Variants in SMIM14 observed in about 807,000 individuals in gnomAD.
SMIM14 encodes the protein chromosome 4 open reading frame 34.
SMIM14 carries 5 observed loss-of-function variants against 12.6 expected under a neutral mutation model. The observed-to-expected ratio is 0.40, with a 90% confidence interval of 0.21 to 0.83. SMIM14 has a LOEUF of 0.83. SMIM14 is among the 40% of genes least tolerant of loss of function. The pLI, the probability that SMIM14 is intolerant of heterozygous loss-of-function variation, is 0.37. For missense variants in SMIM14, 86 were observed against 119.1 expected (o/e 0.72, Z 1.29); for synonymous variants, 30 against 40.1 (o/e 0.75, Z 0.95).
chr4:39,567,884 G>T (rs1712661751), intron 3 of SMIM14, among the ~76,000 whole-genome samples: 1 of 152,126 alleles, frequency 6.6e-6, no homozygotes. Context: ...AAGCCTGGGT[G>T]ACAAAGTGAG....
At position 39,549,882 on chromosome 4, in the gene SMIM14, T is replaced by C. The variant is rs1334855115; in HGVS notation, c.*2244A>G. ...CAGGATTTAACTTACCTGTGTCATG[T>C]TACCGATCTATTAACACAAGTAATT... On this transcript the variant is annotated 3_prime_UTR_variant, in exon 5 of 5. Coordinates refer to ENST00000295958, the MANE Select transcript of SMIM14 (RefSeq NM_174921.3). The C allele has an allele frequency of 2.0e-5, 3 of 152,214 alleles. No individual in the cohort carries two copies. The highest frequency in any genetic ancestry group is 4.4e-5 in the Non-Finnish European group (3 of 68,036). 9.4% of individuals were successfully genotyped at this position (152,214 alleles called of 1,614,324 possible).
intron 3 of SMIM14, among the ~76,000 whole-genome samples, chr4:39,557,309 G>T (rs1274334193): frequency 4.6e-5 from 7 of 152,090 alleles, no homozygotes; most frequent in Non-Finnish European, 2.9e-5. Context: ...ACTGTGTCCT[G>T]CCCCACACCC....
At chr4:39,580,071 A>C (rs979623758) in intron 2 of SMIM14, among the ~76,000 whole-genome samples, 1 of 152,192 alleles carries the variant, frequency 6.6e-6, no homozygotes, top group Admixed American at 6.6e-5. Flanking sequence ...TCTGCTCAAG[A>C]ACCTCATATG....
At chr4:39,603,736 C>T (rs747339289) in intron 2 of SMIM14, among the ~76,000 whole-genome samples, 1 of 152,028 alleles carries the variant, frequency 6.6e-6, no homozygotes, top group Non-Finnish European at 1.5e-5. Flanking sequence ...ATAGGCCAGG[C>T]GCAGTGGTTC....
At position 39,638,840 on chromosome 4, in the gene SMIM14, C is replaced by A. The variant is rs1163797058; in HGVS notation, c.-137G>T. On this transcript the variant is annotated 5_prime_UTR_variant, in exon 1 of 5. Transcript: ENST00000295958. The stretch of plus-strand genomic sequence containing the variant: ...TCCAGAAGGCTGCGGCTGCTCCGGA[C>A]GCTGCTGCCACTGCCGTTTCTGGCC... The A allele has an allele frequency of 5.1e-6, 5 of 985,772 alleles. No individual in the cohort carries two copies. The African/African-American group carries it at 7.0e-5, about 14-fold the overall frequency. The allele number at this position is 985,772 out of a possible 1,614,324, so 61.1% of individuals were successfully genotyped here.
At chr4:39,616,758 A>T (rs1271357667) in intron 1 of SMIM14, among the ~76,000 whole-genome samples, 1 of 151,416 alleles carries the variant, frequency 6.6e-6, no homozygotes, top group Non-Finnish European at 1.5e-5. Flanking sequence ...AAAAATATGT[A>T]CCCTTTGAAA....
At chr4:39,608,773 T>G (rs1042468722) in intron 1 of SMIM14, among the ~76,000 whole-genome samples, 3 of 152,212 alleles carry the variant, frequency 2.0e-5, no homozygotes, top group Non-Finnish European at 4.4e-5. Context: ...ACTTTAAAAA[T>G]GGTTAAAACT....
At chr4:39,622,745 A>G (rs1397326924) in intron 1 of SMIM14, among the ~76,000 whole-genome samples, 2 of 152,206 alleles carry the variant, frequency 1.3e-5, no homozygotes, top group African/African-American at 4.8e-5. Flanking sequence ...ATACAAATGA[A>G]AAGGCTGAAA....
In SMIM14 at chr4:39,546,588, TA is replaced by T. The variant is rs549131581; in HGVS notation, c.*5537del. On this transcript the variant is annotated 3_prime_UTR_variant, in exon 5 of 5. Coordinates refer to ENST00000295958, the MANE Select transcript of SMIM14 (RefSeq NM_174921.3). The stretch of plus-strand genomic sequence containing the variant: ...GGTGAAATGCCAAGACCAAAAAACT[TA>T]TTTTATTTGAATTCCATTTTCTGAG... 1.2e-4 allele frequency: 19 copies of T among 152,250 alleles called. No individual in the cohort carries two copies. Among genetic ancestry groups the T allele is most frequent in the Non-Finnish European group, 2.4e-4 (16 of 68,044 alleles). The allele number at this position is 152,250 out of a possible 1,614,324, so 9.4% of individuals were successfully genotyped here. A position where few individuals can be genotyped will look rare whatever the true frequency, so the allele number is the denominator to read the frequency against.
intron 2 of SMIM14, among the ~76,000 whole-genome samples, chr4:39,591,840 A>G (rs187761148): frequency 2.0e-5 from 3 of 152,310 alleles, no homozygotes; most frequent in Non-Finnish European, 4.4e-5. Flanking sequence ...TGCTGGGATT[A>G]CAGGCGTAAG....
intron 3 of SMIM14, among the ~76,000 whole-genome samples, chr4:39,561,717 C>T (rs1712317429): frequency 6.6e-6 from 1 of 152,032 alleles, no homozygotes; most frequent in Non-Finnish European, 1.5e-5. Context: ...GTCTGGAATT[C>T]AACACCAGCC....
intron 1 of SMIM14, among the ~76,000 whole-genome samples, chr4:39,626,875 CAG>C (rs1345029878): frequency 6.6e-6 from 1 of 152,176 alleles, no homozygotes; most frequent in Non-Finnish European, 1.5e-5. Flanking sequence ...ATTCATCCCC[CAG>C]GTGGCCACCA....
At chr4:39,597,085 CTTTT>C (rs35373264) in intron 2 of SMIM14, among the ~76,000 whole-genome samples, 9 of 133,730 alleles carry the variant, frequency 6.7e-5, no homozygotes, top group Admixed American at 7.5e-5. Flanking sequence ...CCAGGTTTCC[CTTTT>C]TTTTTTTTTT....
chr4:39,572,327 A>C, intron 3 of SMIM14, 88 bp downstream of exon 3: 1 of 540,172 alleles, frequency 1.9e-6, no homozygotes, highest in Non-Finnish European at 3.0e-6. Context: ...TAGGCAATGT[A>C]AGAATAAATT....
chr4:39,599,924 A>AAAC (rs1321748460), intron 2 of SMIM14, among the ~76,000 whole-genome samples: 1 of 130,390 alleles, frequency 7.7e-6, no homozygotes, highest in Non-Finnish European at 1.7e-5. Context: ...TCCGTCTCAA[A>AAAC]AACAACAACA....
chr4:39,582,141 G>A (rs192625761), intron 2 of SMIM14, among the ~76,000 whole-genome samples: 1 of 152,018 alleles, frequency 6.6e-6, no homozygotes, highest in Non-Finnish European at 1.5e-5. Context: ...AAAGTGCTGG[G>A]ATTACAGGAA....
chr4:39,556,658 G>T lies in SMIM14; in HGVS notation c.125-88C>A, dbSNP rs182763303. On this transcript the variant is annotated intron_variant, in intron 3 of 4. Transcript: ENST00000295958. ...TGTTTAAATGTCAGTTTCAATTACT[G>T]TATTAATATAAAAATTGTATTGATA... is the stretch of plus-strand genomic sequence containing the variant. 37 of 1,128,936 alleles carry T rather than the reference G, an allele frequency of 3.3e-5. No individual in the cohort carries two copies. In the Admixed American group the frequency reaches 1.3e-3, roughly 38 times the overall value. 69.9% of individuals were successfully genotyped at this position (1,128,936 alleles called of 1,614,324 possible).
chr4:39,558,059 T>C lies in SMIM14; in HGVS notation c.125-1489A>G, dbSNP rs1436765760. Among the ~76,000 whole-genome samples the C allele has an allele frequency of 6.6e-6, 1 of 152,196 alleles. No homozygotes were observed. Among genetic ancestry groups the C allele is most frequent in the Non-Finnish European group, 1.5e-5 (1 of 68,044 alleles). On this transcript the variant is annotated intron_variant, in intron 3 of 4. Coordinates refer to ENST00000295958, the MANE Select transcript of SMIM14 (RefSeq NM_174921.3). The surrounding 1 kb of genome is among the most constrained non-coding windows in gnomAD (Gnocchi z 4.3). ...CAGGCATCAGTTTTTCCTGGTTCCT[T>C]GACATAGCCACGTCTTATTTAATTT...
intron 1 of SMIM14, 147 bp downstream of exon 1, chr4:39,638,592 C>A: frequency 1.0e-6 from 1 of 980,216 alleles, no homozygotes; most frequent in Non-Finnish European, 1.2e-6. Context: ...GAATCGCCAG[C>A]CCGGCCGAGG....
Sources: allele counts gnomAD v4.1 joint callset (sites outside exome capture counted in the v4.1 genomes callset), GRCh38; gene constraint gnomAD v4.1.1; non-coding constraint Gnocchi (gnomAD v3.1); transcripts MANE v1.5; gene names NCBI Gene and HGNC (gene_info 2026-07-23, HGNC 2026-07-21).